Variants in CWF19L2 observed in about 807,000 individuals in gnomAD.
CWF19L2 encodes CWF19-like protein 2.
A neutral mutation model predicts 111.7 loss-of-function variants in CWF19L2; 98 were observed. The observed-to-expected ratio is 0.88, with a 90% CI of 0.75 to 1.04. The LOEUF (loss-of-function observed/expected upper bound fraction) is 1.04, where lower values mean the gene tolerates loss of function less well. CWF19L2 is among the 50% of genes least tolerant of loss of function. CWF19L2 has a pLI of 0.00. For missense variants in CWF19L2, 1,101 were observed against 1,051.4 expected (o/e 1.05, Z -0.65); for synonymous variants, 351 against 342.9 (o/e 1.02, Z -0.26).
At chr11:107,442,756 A>G (rs1861638020) in intron 4 of CWF19L2, among the ~76,000 whole-genome samples, 183 bp downstream of exon 4, 1 of 30,556 alleles carries the variant, frequency 3.3e-5, no homozygotes, top group African/African-American at 1.7e-4. Context: ...GGAAGGAAGG[A>G]AGGAAGGAAG....
intron 10 of CWF19L2, chr11:107,404,706 T>C (rs1296473148): frequency 2.7e-6 from 1 of 374,964 alleles, no homozygotes; most frequent in African/African-American, 2.1e-5. Flanking sequence ...AGCTGTATAC[T>C]GTTTTGTATT....
intron 17 of CWF19L2, among the ~76,000 whole-genome samples, chr11:107,327,873 C>A (rs1233127071): frequency 1.3e-5 from 2 of 152,140 alleles, no homozygotes; most frequent in Admixed American, 6.5e-5. Context: ...CATAGTCGGT[C>A]TAGCTCCACC....
chr11:107,385,786 T>C (rs1860756155), intron 12 of CWF19L2, among the ~76,000 whole-genome samples: 1 of 152,260 alleles, frequency 6.6e-6, no homozygotes, highest in Non-Finnish European at 1.5e-5. Flanking sequence ...AATCAGCCCT[T>C]TGTCCAGCAC....
chr11:107,454,772 C>T (rs1331911129), intron 2 of CWF19L2, among the ~76,000 whole-genome samples, 200 bp from the exon 3 acceptor site: 1 of 152,076 alleles, frequency 6.6e-6, no homozygotes, highest in Non-Finnish European at 1.5e-5. Context: ...ATCAATAAAT[C>T]ATATAACTGA....
At chr11:107,409,773 G>A (rs1349253596) in intron 10 of CWF19L2, among the ~76,000 whole-genome samples, 15 of 152,062 alleles carry the variant, frequency 9.9e-5, no homozygotes, top group Admixed American at 7.9e-4. Flanking sequence ...TAAAGAAGCT[G>A]TACTTGTGTG....
At chr11:107,330,644 CCACACA>C (rs56313409) in intron 16 of CWF19L2, among the ~76,000 whole-genome samples, 2,856 of 121,656 alleles carry the variant, frequency 0.023, 55 homozygotes, top group East Asian at 0.067. Context: ...ACCCCCCCCA[CCACACA>C]CACACACACA....
chr11:107,371,156 C>A (rs1325926363), intron 12 of CWF19L2, among the ~76,000 whole-genome samples: 2 of 134,292 alleles, frequency 1.5e-5, no homozygotes, highest in Non-Finnish European at 3.2e-5. Context: ...AGGCACCTGC[C>A]ACCATGCCGG....
At chr11:107,399,516 A>C (rs1186283657) in intron 10 of CWF19L2, among the ~76,000 whole-genome samples, 1 of 152,212 alleles carries the variant, frequency 6.6e-6, no homozygotes, top group Admixed American at 6.5e-5. Flanking sequence ...GTCCAACAGG[A>C]AAATATCACA....
At chr11:107,396,055 A>T (rs1214677128) in intron 10 of CWF19L2, among the ~76,000 whole-genome samples, 2 of 152,186 alleles carry the variant, frequency 1.3e-5, no homozygotes. Flanking sequence ...GACTGCCAAT[A>T]CGTAAGACCC....
intron 6 of CWF19L2, among the ~76,000 whole-genome samples, chr11:107,435,211 T>C (rs967399350): frequency 6.6e-5 from 10 of 152,180 alleles, no homozygotes; most frequent in Non-Finnish European, 1.3e-4. Context: ...AACCTAGATC[T>C]CTAATGCAAT....
intron 8 of CWF19L2, among the ~76,000 whole-genome samples, chr11:107,425,062 A>G (rs1861354580): frequency 6.6e-6 from 1 of 151,790 alleles, no homozygotes; most frequent in African/African-American, 2.4e-5. Context: ...CTGCAAAAAG[A>G]AAAAAAGCCC....
At chr11:107,449,286 A>C (rs1294685123) in intron 3 of CWF19L2, among the ~76,000 whole-genome samples, 5 of 152,246 alleles carry the variant, frequency 3.3e-5, no homozygotes, top group Non-Finnish European at 7.4e-5. Flanking sequence ...TTCAAACAAA[A>C]GCTGAGAGAA....
intron 12 of CWF19L2, among the ~76,000 whole-genome samples, chr11:107,387,467 C>CAAAAA (rs996753060): frequency 6.2e-5 from 8 of 129,318 alleles, no homozygotes; most frequent in South Asian, 2.9e-4. Flanking sequence ...CAAAACAAAA[C>CAAAAA]AAAAAACAAA....
intron 16 of CWF19L2, among the ~76,000 whole-genome samples, chr11:107,331,296 T>TG (rs1859846590): frequency 6.6e-6 from 1 of 152,262 alleles, no homozygotes; most frequent in Non-Finnish European, 1.5e-5. Context: ...CATGAAGAAA[T>TG]GCCCTAGTCC....
Position 107,390,160 on chromosome 11 carries a change from T to G in CWF19L2, c.1786A>C (p.Asn596His), listed in dbSNP as rs758533703. Residue 596 changes from asparagine (N) to histidine (H), a missense_variant, in exon 12 of 18, where the codon AAT becomes CAT. Physicochemically the swap from Asn to His is moderately conservative, Grantham distance 68. Coordinates refer to ENST00000282251, the MANE Select transcript of CWF19L2 (RefSeq NM_152434.3). The stretch of plus-strand genomic sequence containing the variant: ...TTGACTAAATCATTTAGGCTTAGAT[T>G]ATCATCATCATGAAAGTATCTGACC... ...ERVRYFHDDD[N>H]LSLNDLVKNE... The G allele has an allele frequency of 5.6e-6, 9 of 1,611,750 alleles. No individual in the cohort carries two copies. Among genetic ancestry groups the G allele is most frequent in the Non-Finnish European group, 7.6e-6 (9 of 1,178,440 alleles).
Position 107,372,758 on chromosome 11 carries a change from G to C in CWF19L2, c.1872+17316C>G, listed in dbSNP as rs183584736. On this transcript the variant is annotated intron_variant, in intron 12 of 17. Coordinates refer to ENST00000282251, the MANE Select transcript of CWF19L2 (RefSeq NM_152434.3). Reference sequence around the variant, plus strand: ...AGACCAGATAAGAAACAAAGATAGCGGGTTGAGGAGCCAAGATGGCCAAAT... The same window carrying C: ...AGACCAGATAAGAAACAAAGATAGCCGGTTGAGGAGCCAAGATGGCCAAAT... Among the ~76,000 whole-genome samples, 13 of 133,388 alleles carry C rather than the reference G, an allele frequency of 9.7e-5. 4 individuals carry two copies. Among genetic ancestry groups the C allele is most frequent in the Admixed American group, 8.0e-4 (11 of 13,682 alleles). 87.5% of individuals were successfully genotyped at this position (133,388 alleles called of 152,430 possible).
chr11:107,358,282 GGAA>G (rs200685013), intron 12 of CWF19L2, among the ~76,000 whole-genome samples: 2,130 of 151,522 alleles, frequency 0.014, 42 homozygotes, highest in African/African-American at 0.048. Context: ...GGGCCACATT[GGAA>G]GAAGAACCAT....
intron 12 of CWF19L2, among the ~76,000 whole-genome samples, chr11:107,357,045 C>CAAAATA (rs139519172): frequency 0.52 from 78,081 of 151,030 alleles, 20,823 homozygotes; most frequent in African/African-American, 0.66. Context: ...TCTCAAACAA[C>CAAAATA]AAAACAAAAA....
intron 3 of CWF19L2, among the ~76,000 whole-genome samples, chr11:107,450,949 G>A (rs1037016322): frequency 4.6e-5 from 7 of 152,050 alleles, no homozygotes; most frequent in African/African-American, 1.7e-4. Flanking sequence ...GACTGAACAG[G>A]TGAACAGAAA....
Sources: gnomAD v4.1 joint callset for allele counts (sites outside exome capture counted in the v4.1 genomes callset) on GRCh38, gnomAD v4.1.1 for gene constraint, MANE v1.5 for transcripts, NCBI Gene and HGNC (gene_info 2026-07-23, HGNC 2026-07-21) for gene names.